The following EPM2A variants were observed in gnomAD, a reference collection of about 807,000 sequenced individuals.
The protein encoded by EPM2A is laforin.
Under a neutral mutation model 26.5 loss-of-function variants are expected in EPM2A, and 21 were observed. That is an observed-to-expected ratio of 0.79 (90% CI 0.56 to 1.14). The LOEUF (loss-of-function observed/expected upper bound fraction) is 1.14, where lower values mean the gene tolerates loss of function less well. Ranked by LOEUF, EPM2A falls within the 50% of genes most tolerant of loss-of-function variation. The pLI is 0.00. For missense variants in EPM2A, 458 were observed against 440.8 expected (o/e 1.04, Z -0.35); for synonymous variants, 217 against 177.6 (o/e 1.22, Z -1.76).
intron 1 of EPM2A, among the ~76,000 whole-genome samples, chr6:145,689,053 T>C (rs563061249): frequency 6.6e-6 from 1 of 152,348 alleles, no homozygotes; most frequent in South Asian, 2.1e-4. Context: ...GTTGAAGAGA[T>C]CAAATATTCA....
chr6:145,388,863 A>G lies in EPM2A; in HGVS notation c.556-4766T>C, dbSNP rs545274669. On this transcript the variant is annotated intron_variant, in intron 4 of 4. Coordinates refer to the EPM2A transcript ENST00000638717. ...TGAATTCATCCTTTTTTATGGTCGC[A>G]TGGTATTCCATGGTGTAGATGTGCC... 7.9e-5 allele frequency among the ~76,000 whole-genome samples: 12 copies of G among 152,248 alleles called. No individual in the cohort carries two copies. In the South Asian group the frequency reaches 1.2e-3, roughly 16 times the overall value.
chr6:145,425,693 C>T (rs558895693), intron 4 of EPM2A, among the ~76,000 whole-genome samples: 3 of 150,332 alleles, frequency 2.0e-5, no homozygotes, highest in African/African-American at 4.9e-5. Flanking sequence ...TTTACACTTT[C>T]GTTATTGTGA....
At chr6:145,443,574 T>C (rs753980729) in intron 4 of EPM2A, among the ~76,000 whole-genome samples, 45 of 152,222 alleles carry the variant, frequency 3.0e-4, no homozygotes, top group Admixed American at 7.9e-4. Context: ...TTTCATACTT[T>C]GATTTTATAT....
chr6:145,496,452 T>A (rs533552885), intron 4 of EPM2A, among the ~76,000 whole-genome samples: 2 of 152,298 alleles, frequency 1.3e-5, no homozygotes, highest in South Asian at 4.1e-4. Context: ...CTCCATCTCT[T>A]TCAGGTACAC....
At chr6:145,412,142 G>A (rs1778651993) in intron 4 of EPM2A, among the ~76,000 whole-genome samples, 1 of 151,480 alleles carries the variant, frequency 6.6e-6, no homozygotes, top group Non-Finnish European at 1.5e-5. Context: ...TCTTGAACCT[G>A]GGAGGCAGGG....
chr6:145,645,795 T>C (rs990145752), intron 2 of EPM2A, among the ~76,000 whole-genome samples: 1 of 152,104 alleles, frequency 6.6e-6, no homozygotes, highest in Non-Finnish European at 1.5e-5. Flanking sequence ...GGTTTCGCCA[T>C]GTTGCCCAGG....
At chr6:145,491,893 T>C (rs1339565258) in intron 4 of EPM2A, 1 of 492,364 alleles carries the variant, frequency 2.0e-6, no homozygotes, top group Non-Finnish European at 4.1e-6. Flanking sequence ...CAAAGGTTCC[T>C]GGGTAAATTG....
intron 1 of EPM2A, among the ~76,000 whole-genome samples, chr6:145,690,270 G>A (rs1781190577): frequency 6.6e-6 from 1 of 152,036 alleles, no homozygotes; most frequent in Non-Finnish European, 1.5e-5. Context: ...CAGCACTTTG[G>A]GAGGCCGAGG....
intron 4 of EPM2A, among the ~76,000 whole-genome samples, chr6:145,393,984 T>A (rs1268369220): frequency 1.3e-5 from 2 of 151,892 alleles, no homozygotes; most frequent in East Asian, 3.9e-4. Flanking sequence ...CCACCATACC[T>A]GGCTAATTTT....
chr6:145,556,159 T>C (rs1361212563), intron 2 of EPM2A, among the ~76,000 whole-genome samples: 1 of 152,154 alleles, frequency 6.6e-6, no homozygotes, highest in African/African-American at 2.4e-5. Context: ...TTTTAAGAAA[T>C]AATACTTTTG....
intron 2 of EPM2A, among the ~76,000 whole-genome samples, chr6:145,614,178 T>G (rs1775457299): frequency 6.6e-6 from 1 of 152,232 alleles, no homozygotes; most frequent in South Asian, 2.1e-4. Context: ...AACTTATTTC[T>G]TTAAACCTCA....
In EPM2A at chr6:145,627,418, A is replaced by C; in HGVS notation, c.994T>G (p.Ter332GluextTer22). The C allele has an allele frequency of 3.1e-6, 5 of 1,614,204 alleles. No individual in the cohort carries two copies. Among genetic ancestry groups the C allele is most frequent in the Non-Finnish European group, 4.2e-6 (5 of 1,180,042 alleles). The change falls in exon 4 of 4, where the codon TAG becomes GAG. Residue 332 changes from the stop codon to glutamate, a stop_lost. Transcript: ENST00000367519. Reference protein sequence around the residue: ...GKVRSSVCSL* With the variant: ...GKVRSSVCSLE Reference sequence around the variant, plus strand: ...GGGGGCAGAAGCAGGCTGACCAGCTACAGGCTACACACAGAAGAACGAACC... The same window carrying C: ...GGGGGCAGAAGCAGGCTGACCAGCTCCAGGCTACACACAGAAGAACGAACC...
chr6:145,712,108 C>T (rs930231047), intron 1 of EPM2A, among the ~76,000 whole-genome samples: 1 of 152,066 alleles, frequency 6.6e-6, no homozygotes, highest in African/African-American at 2.4e-5. Flanking sequence ...TTACAAAAAG[C>T]ATCAAAAGTT....
At chr6:145,444,563 T>G (rs1779107136) in intron 4 of EPM2A, among the ~76,000 whole-genome samples, 3 of 152,294 alleles carry the variant, frequency 2.0e-5, no homozygotes, top group Middle Eastern at 6.8e-3. Flanking sequence ...TGTGTCTCTG[T>G]CAGTTTTTGG....
At chr6:145,524,532 G>A (rs567451936) in intron 2 of EPM2A, among the ~76,000 whole-genome samples, 4 of 152,230 alleles carry the variant, frequency 2.6e-5, no homozygotes, top group African/African-American at 9.6e-5. Context: ...TATTAGTGAT[G>A]TGGAGCATTT....
chr6:145,485,151 T>C (rs1163412233), intron 4 of EPM2A, among the ~76,000 whole-genome samples: 1 of 151,816 alleles, frequency 6.6e-6, no homozygotes. Context: ...GAAAGTTGCC[T>C]GAGATCCAAT....
At chr6:145,591,786 T>A (rs1781276806) in intron 2 of EPM2A, among the ~76,000 whole-genome samples, 6 of 151,962 alleles carry the variant, frequency 3.9e-5, no homozygotes. Flanking sequence ...AATAAAATAT[T>A]TTGTTACAAA....
At chr6:145,524,121 T>G (rs1349487581) in intron 2 of EPM2A, among the ~76,000 whole-genome samples, 1 of 152,206 alleles carries the variant, frequency 6.6e-6, no homozygotes, top group Non-Finnish European at 1.5e-5. Context: ...TGATATTATT[T>G]TTTCATTTTT....
At chr6:145,461,374 T>G (rs912806197) in intron 4 of EPM2A, among the ~76,000 whole-genome samples, 1 of 152,138 alleles carries the variant, frequency 6.6e-6, no homozygotes, top group Non-Finnish European at 1.5e-5. Context: ...ATTTTCACAT[T>G]TGGGGAGCAG....
Sources: allele counts gnomAD v4.1 joint callset (sites outside exome capture counted in the v4.1 genomes callset), GRCh38; gene constraint gnomAD v4.1.1; transcripts MANE v1.5; gene names NCBI Gene and HGNC (gene_info 2026-07-23, HGNC 2026-07-21).